GAN: variants seen among roughly 807,000 people sequenced by gnomAD.
GAN encodes the protein epididymis secretory sperm binding protein.
GAN carries 48 observed loss-of-function variants against 71.3 expected under a neutral mutation model. The ratio of observed to expected loss-of-function variants is 0.67; its 90% CI spans 0.53 to 0.86. GAN has a LOEUF of 0.86. Ranked by LOEUF, GAN falls within the 40% of genes least tolerant of loss-of-function variation. The probability of loss-of-function intolerance (pLI) is 0.00; values close to 1 mark genes in which losing one functional copy is unlikely to be tolerated. For missense variants in GAN, 928 were observed against 770.1 expected (o/e 1.21, Z -2.43); for synonymous variants, 386 against 276.8 (o/e 1.39, Z -3.92).
intron 9 of GAN, among the ~76,000 whole-genome samples, chr16:81,365,797 C>G (rs1408918410): frequency 1.3e-5 from 2 of 151,970 alleles, no homozygotes; most frequent in African/African-American, 4.8e-5. Flanking sequence ...CACCTGTAGT[C>G]TCAACATTTA....
chr16:81,317,895 A>G (rs1392650369), intron 1 of GAN, among the ~76,000 whole-genome samples: 1 of 152,186 alleles, frequency 6.6e-6, no homozygotes, highest in African/African-American at 2.4e-5. Flanking sequence ...GTGGATAAAC[A>G]TGAATCAGTC....
chr16:81,376,648 ATGTGTG>A (rs965287329), intron 9 of GAN, among the ~76,000 whole-genome samples: 2 of 150,764 alleles, frequency 1.3e-5, no homozygotes, highest in Non-Finnish European at 2.9e-5. Flanking sequence ...GTGTGTATAT[ATGTGTG>A]TATATATGTG....
intron 5 of GAN, among the ~76,000 whole-genome samples, chr16:81,360,812 A>G (rs889077412): frequency 1.3e-5 from 2 of 152,160 alleles, no homozygotes; most frequent in African/African-American, 2.4e-5. Flanking sequence ...TCTGGTTACT[A>G]TAATATTTGA....
At chr16:81,376,095 G>C (rs965003002) in intron 9 of GAN, among the ~76,000 whole-genome samples, 1 of 151,948 alleles carries the variant, frequency 6.6e-6, no homozygotes, top group East Asian at 1.9e-4. Flanking sequence ...ATAATACTCA[G>C]ATCTCACAGT....
chr16:81,322,956 G>A (rs971284350), intron 1 of GAN, among the ~76,000 whole-genome samples: 5 of 152,112 alleles, frequency 3.3e-5, no homozygotes, highest in African/African-American at 9.7e-5. Context: ...TAAGGACAGC[G>A]GGATTTTGAA....
At position 81,363,961 on chromosome 16, in the gene GAN, T is replaced by C; in HGVS notation, c.1236+18T>C. 1 of 1,595,842 alleles carries C rather than the reference T, an allele frequency of 6.3e-7. No individual in the cohort carries two copies. ...TCAGAAAGGTGAGGACTGCATTTTG[T>C]GATAACTAGTCTGTGTACACATTGG... On this transcript the variant is annotated intron_variant, in intron 7 of 10. Transcript: ENST00000648994.
chr16:81,315,469 G>A (rs966168507), intron 1 of GAN, among the ~76,000 whole-genome samples, 189 bp downstream of exon 1: 1 of 151,924 alleles, frequency 6.6e-6, no homozygotes, highest in African/African-American at 2.4e-5. Flanking sequence ...CCCCCAGGCG[G>A]CCTCTGTGGC....
intron 9 of GAN, among the ~76,000 whole-genome samples, chr16:81,369,133 C>G (rs1910955904): frequency 1.3e-5 from 2 of 152,156 alleles, no homozygotes; most frequent in Admixed American, 1.3e-4. Context: ...ATTAACTGTT[C>G]TTTGAAGTTG....
intron 2 of GAN, among the ~76,000 whole-genome samples, chr16:81,351,905 C>G (rs1329553961): frequency 6.6e-6 from 1 of 152,168 alleles, no homozygotes; most frequent in Non-Finnish European, 1.5e-5. Flanking sequence ...GAAGTAAGAT[C>G]TTAGACTCAA....
chr16:81,371,188 C>G (rs1597410409), intron 9 of GAN, among the ~76,000 whole-genome samples: 1 of 152,266 alleles, frequency 6.6e-6, no homozygotes, highest in East Asian at 1.9e-4. Context: ...ATTTTCTGTG[C>G]TGAAATTTCC....
rs1904498337 is a variant in GAN, at chr16:81,389,380, C to T, written c.*11784C>T. On this transcript the variant is annotated 3_prime_UTR_variant, in exon 11 of 11. Transcript: ENST00000648994. ...TGAATTGTGACAACCATCCCGTAAT[C>T]ATTGTGGCCTCAGCAGAAGTTTTGA... 1 of 152,180 alleles carries T rather than the reference C, an allele frequency of 6.6e-6. No homozygotes were observed. Among genetic ancestry groups the T allele is most frequent in the Non-Finnish European group, 1.5e-5 (1 of 68,040 alleles). The allele number at this position is 152,180 out of a possible 1,614,324, so 9.4% of individuals were successfully genotyped here.
intron 1 of GAN, among the ~76,000 whole-genome samples, chr16:81,324,634 GA>G (rs762075264): frequency 6.6e-6 from 1 of 152,094 alleles, no homozygotes; most frequent in Non-Finnish European, 1.5e-5. Flanking sequence ...CAAAGAAGAT[GA>G]AACTTCTGCT....
chr16:81,348,513 C>CA (rs1023942916), intron 1 of GAN, among the ~76,000 whole-genome samples: 3 of 151,966 alleles, frequency 2.0e-5, no homozygotes, highest in African/African-American at 7.3e-5. Context: ...ACCAATGTGC[C>CA]AAAAAAACAT....
rs1004394412 is a variant in GAN, at chr16:81,383,575, A to G, written c.*5979A>G. Reference sequence around the variant, plus strand: ...CCTCTTTTTTTTTTTTTATTTTGAGATTAAAACTAATTCTTTTAAAGTCAC... The same window carrying G: ...CCTCTTTTTTTTTTTTTATTTTGAGGTTAAAACTAATTCTTTTAAAGTCAC... On this transcript the variant is annotated 3_prime_UTR_variant, in exon 11 of 11. Transcript: ENST00000648994. 6.0e-5 allele frequency: 9 copies of G among 149,324 alleles called. No homozygotes were observed. Among genetic ancestry groups the G allele is most frequent in the African/African-American group, 1.7e-4 (7 of 40,534 alleles). The allele number at this position is 149,324 out of a possible 1,614,324, so 9.2% of individuals were successfully genotyped here. A position where few individuals can be genotyped will look rare whatever the true frequency, so the allele number is the denominator to read the frequency against.
intron 5 of GAN, among the ~76,000 whole-genome samples, chr16:81,359,055 C>G (rs933803691): frequency 2.6e-5 from 4 of 152,174 alleles, no homozygotes; most frequent in African/African-American, 7.2e-5. Flanking sequence ...GGCCAAGGCT[C>G]TACCATAGTA....
intron 9 of GAN, among the ~76,000 whole-genome samples, chr16:81,376,164 A>G (rs915340547): frequency 6.6e-6 from 1 of 152,118 alleles, no homozygotes; most frequent in Non-Finnish European, 1.5e-5. Context: ...TTATGGCACA[A>G]AGCTTTGGAA....
chr16:81,353,739 G>C (rs1049104444), intron 2 of GAN, among the ~76,000 whole-genome samples: 2 of 152,022 alleles, frequency 1.3e-5, no homozygotes, highest in African/African-American at 4.8e-5. Context: ...GGAGGAAGAA[G>C]CATTAGTCAG....
chr16:81,389,493 C>T lies in GAN; in HGVS notation c.*11897C>T, dbSNP rs1904502060. 1 of 152,228 alleles carries T rather than the reference C, an allele frequency of 6.6e-6. No homozygotes were observed. Among genetic ancestry groups the T allele is most frequent in the Non-Finnish European group, 1.5e-5 (1 of 68,062 alleles). The allele number at this position is 152,228 out of a possible 1,614,324, so 9.4% of individuals were successfully genotyped here. ...CAAAAGCACCCCCTGCTCTGCCCAC[C>T]TCCGCAGAGTCCTGTCCTCATCAGA... On this transcript the variant is annotated 3_prime_UTR_variant, in exon 11 of 11. Transcript: ENST00000648994.
At chr16:81,373,727 C>G (rs1278350870) in intron 9 of GAN, among the ~76,000 whole-genome samples, 1 of 152,168 alleles carries the variant, frequency 6.6e-6, no homozygotes, top group African/African-American at 2.4e-5. Context: ...TGCTTAGACT[C>G]CTTTAATCTG....
Sources: allele counts gnomAD v4.1 joint callset (sites outside exome capture counted in the v4.1 genomes callset), GRCh38; gene constraint gnomAD v4.1.1; transcripts MANE v1.5; gene names NCBI Gene and HGNC (gene_info 2026-07-23, HGNC 2026-07-21).